The following RASGRF2 variants were observed in gnomAD, a reference collection of about 807,000 sequenced individuals.
The protein encoded by RASGRF2 is ras-specific guanine nucleotide-releasing factor 2.
In RASGRF2, 76 loss-of-function variants were observed where a neutral mutation model predicts 151.0. That is an observed-to-expected ratio of 0.50 (90% CI 0.42 to 0.61). The LOEUF (loss-of-function observed/expected upper bound fraction) is 0.61. Among genes scored for constraint, RASGRF2 ranks in the 20% least tolerant of loss-of-function variants. The probability of loss-of-function intolerance (pLI) is 0.00; values close to 1 mark genes in which losing one functional copy is unlikely to be tolerated. For synonymous variants in RASGRF2, 504 were observed against 566.5 expected (o/e 0.89, Z 1.57); for missense variants, 1,148 against 1,564.6 (o/e 0.73, Z 4.49).
In RASGRF2 at chr5:81,188,155, T is replaced by C. The variant is rs1005180590; in HGVS notation, c.2793+7874T>C. Among the ~76,000 whole-genome samples, 11 of 152,316 alleles carry C rather than the reference T, an allele frequency of 7.2e-5. No homozygotes were observed. The South Asian group carries it at 8.3e-4, about 11-fold the overall frequency. On this transcript the variant is annotated intron_variant, in intron 18 of 26. Coordinates refer to ENST00000265080, the MANE Select transcript of RASGRF2 (RefSeq NM_006909.3). ...TGCCCTCCTCATCCATCCGGGCTCG[T>C]GTCAGTTGGCCACAGGGTACTTTTC...
At chr5:80,962,324 A>G (rs756072363) in intron 1 of RASGRF2, among the ~76,000 whole-genome samples, 1 of 152,204 alleles carries the variant, frequency 6.6e-6, no homozygotes, top group Non-Finnish European at 1.5e-5. Context: ...GATACTAGAA[A>G]TATAAACATA....
In RASGRF2 at chr5:81,091,031, C is replaced by T. The variant is rs188933683; in HGVS notation, c.1391-1770C>T. On this transcript the variant is annotated intron_variant, in intron 9 of 26. Transcript: ENST00000265080. The stretch of plus-strand genomic sequence containing the variant: ...GCAGAGCTAGAACTTACTCTCTTCC[C>T]ATCTGTCTTCTTTCTGAGTCTTATA... Among the ~76,000 whole-genome samples, 783 of 152,252 alleles carry T rather than the reference C, an allele frequency of 5.1e-3. 5 individuals are homozygous for T. The highest frequency in any genetic ancestry group is 7.8e-3 in the Non-Finnish European group (532 of 68,022).
chr5:81,215,998 A>G (rs770959265), intron 24 of RASGRF2, 43 bp downstream of exon 24: 156 of 1,431,468 alleles, frequency 1.1e-4, no homozygotes, highest in Non-Finnish European at 1.4e-4. Flanking sequence ...ATTCAGAAAT[A>G]TATTTACATA....
intron 2 of RASGRF2, among the ~76,000 whole-genome samples, chr5:81,052,985 C>T (rs1751062884): frequency 1.3e-5 from 2 of 152,008 alleles, no homozygotes; most frequent in Admixed American, 6.6e-5. Flanking sequence ...AAACAAACCA[C>T]AGAGATATCT....
rs528785672 is a variant in RASGRF2 at position 81,156,935 on chromosome 5, A to G, written c.2687-23240A>G. 5.9e-4 allele frequency among the ~76,000 whole-genome samples: 90 copies of G among 152,336 alleles called. 1 individual carries two copies. Among genetic ancestry groups the G allele is most frequent in the African/African-American group, 2.0e-3 (84 of 41,572 alleles). On this transcript the variant is annotated intron_variant, in intron 17 of 26. Coordinates refer to ENST00000265080, the MANE Select transcript of RASGRF2 (RefSeq NM_006909.3). Reference sequence around the variant, plus strand: ...TGTAGAAAACCTTGAGAAACCCACAAAAAGCCCCTACTCAAACTAATAAGT... The same window carrying G: ...TGTAGAAAACCTTGAGAAACCCACAGAAAGCCCCTACTCAAACTAATAAGT...
chr5:81,219,103 G>T (rs10073151), intron 25 of RASGRF2, among the ~76,000 whole-genome samples: 2,037 of 146,986 alleles, frequency 0.014, 45 homozygotes, highest in East Asian at 0.12. Context: ...TAAAGACACA[G>T]TTCTGTTGCC....
At chr5:81,158,045 T>G (rs1038354735) in intron 17 of RASGRF2, among the ~76,000 whole-genome samples, 1 of 152,154 alleles carries the variant, frequency 6.6e-6, no homozygotes, top group Non-Finnish European at 1.5e-5. Flanking sequence ...TCTGTGGAAA[T>G]GCAAAGGACT....
At chr5:81,028,657 G>T (rs1348371091) in intron 1 of RASGRF2, among the ~76,000 whole-genome samples, 1 of 152,200 alleles carries the variant, frequency 6.6e-6, no homozygotes, top group African/African-American at 2.4e-5. Context: ...TAAAAAATTT[G>T]CTATTAAAAT....
chr5:81,097,048 A>G (rs1026064925), intron 12 of RASGRF2, among the ~76,000 whole-genome samples: 1 of 151,226 alleles, frequency 6.6e-6, no homozygotes, highest in Non-Finnish European at 1.5e-5. Context: ...TGCAACCTCC[A>G]CCTCCCAGAT....
At chr5:81,080,474 A>G in intron 6 of RASGRF2, 122 bp from the exon 7 acceptor site, 1 of 1,125,488 alleles carries the variant, frequency 8.9e-7, no homozygotes, top group Non-Finnish European at 1.3e-6. Flanking sequence ...TTCAGGCATC[A>G]GGGTTGCGGC....
At chr5:81,146,926 ACACACAG>A (rs1754020307) in intron 17 of RASGRF2, among the ~76,000 whole-genome samples, 1 of 152,180 alleles carries the variant, frequency 6.6e-6, no homozygotes, top group Non-Finnish European at 1.5e-5. Context: ...CTTTCTGTGT[ACACACAG>A]TACCATATCA....
chr5:81,023,395 C>A (rs372513111), intron 1 of RASGRF2, among the ~76,000 whole-genome samples: 3 of 152,174 alleles, frequency 2.0e-5, no homozygotes, highest in African/African-American at 7.2e-5. Context: ...TTACAGAATA[C>A]CATCCAGGGT....
At chr5:81,095,829 A>G (rs965323519) in intron 12 of RASGRF2, among the ~76,000 whole-genome samples, 1 of 152,184 alleles carries the variant, frequency 6.6e-6, no homozygotes, top group African/African-American at 2.4e-5. Flanking sequence ...TTGGAACTTA[A>G]TTCTTTTTTT....
intron 6 of RASGRF2, 108 bp from the exon 7 acceptor site, chr5:81,080,488 A>T: frequency 1.6e-6 from 2 of 1,219,456 alleles, no homozygotes; most frequent in Middle Eastern, 4.9e-4. Context: ...TTGCGGCTCC[A>T]TGCATGTGTG....
Position 81,113,668 on chromosome 5 carries a change from G to T in RASGRF2, c.2218G>T (p.Val740Leu), listed in dbSNP as rs1753065603. ...GGCTGTGTCCAGAACATCTTCCCCAGTGAGGGCCAGAAAGCTGTCTTTGAC... is the reference window on the plus strand; with the variant it reads ...GGCTGTGTCCAGAACATCTTCCCCATTGAGGGCCAGAAAGCTGTCTTTGAC... The part of the protein sequence containing the change: ...PLAVSRTSSP[V>L]RARKLSLTSP... Residue 740 changes from valine (V) to leucine (L), a missense_variant, in exon 15 of 27, where the codon GTG becomes TTG. This residue lies in a region of RASGRF2 where 646 missense variants were observed against 807.4 expected (regional missense o/e 0.80). Coordinates refer to ENST00000265080, the MANE Select transcript of RASGRF2 (RefSeq NM_006909.3). 2 of 1,613,522 alleles carry T rather than the reference G, an allele frequency of 1.2e-6. No homozygotes were observed. The highest frequency in any genetic ancestry group is 1.7e-6 in the Non-Finnish European group (2 of 1,179,424).
intron 1 of RASGRF2, among the ~76,000 whole-genome samples, chr5:81,031,490 G>A (rs1750245590): frequency 1.3e-5 from 2 of 152,182 alleles, no homozygotes; most frequent in African/African-American, 4.8e-5. Context: ...TCAGGATTAA[G>A]AAACTCACTC....
intron 23 of RASGRF2, among the ~76,000 whole-genome samples, chr5:81,213,908 C>T (rs1755678216): frequency 6.6e-6 from 1 of 152,204 alleles, no homozygotes; most frequent in Admixed American, 6.5e-5. Context: ...TATAGCTTCA[C>T]ATGCAGTTGT....
chr5:80,988,022 T>C (rs995793358), intron 1 of RASGRF2, among the ~76,000 whole-genome samples: 2 of 148,708 alleles, frequency 1.3e-5, no homozygotes, highest in Admixed American at 1.3e-4. Flanking sequence ...TGTGTGTGTG[T>C]GTGTGTGTGT....
chr5:81,071,807 A>G (rs1409809534), intron 4 of RASGRF2, among the ~76,000 whole-genome samples: 1 of 152,084 alleles, frequency 6.6e-6, no homozygotes, highest in Non-Finnish European at 1.5e-5. Flanking sequence ...ATAAAATTCA[A>G]TTTTCAGATG....
Sources: gnomAD v4.1 joint callset for allele counts (sites outside exome capture counted in the v4.1 genomes callset) on GRCh38, gnomAD v4.1.1 for gene constraint, gnomAD v4.1.1 regional missense constraint, MANE v1.5 for transcripts, NCBI Gene and HGNC (gene_info 2026-07-23, HGNC 2026-07-21) for gene names.